Variants in EPB41L1 observed in about 807,000 individuals in gnomAD.
The protein encoded by EPB41L1 is erythrocyte membrane protein band 4.1 like 1, also known as band 4.1-like protein 1.
EPB41L1 carries 29 observed loss-of-function variants against 97.8 expected under a neutral mutation model. The observed-to-expected ratio is 0.30, with a 90% CI of 0.22 to 0.40. The LOEUF (loss-of-function observed/expected upper bound fraction) is 0.40, where lower values mean the gene tolerates loss of function less well. EPB41L1 is among the 10% of genes least tolerant of loss of function. The pLI is 1.00. For missense variants in EPB41L1, 812 were observed against 1,162.3 expected, an observed-to-expected ratio of 0.70 and a Z score of 4.38; for synonymous variants, 383 against 459.2, an observed-to-expected ratio of 0.83 and a Z score of 2.12.
chr20:36,135,083 A>T (rs2059368108), intron 2 of EPB41L1, among the ~76,000 whole-genome samples: 1 of 151,982 alleles, frequency 6.6e-6, no homozygotes, highest in Non-Finnish European at 1.5e-5. Flanking sequence ...GGATGGTCTC[A>T]AACTCCTGGC....
intron 2 of EPB41L1, among the ~76,000 whole-genome samples, chr20:36,119,383 G>A (rs569581735): frequency 2.6e-5 from 4 of 152,266 alleles, no homozygotes; most frequent in Non-Finnish European, 4.4e-5. Flanking sequence ...TGGGCAGATC[G>A]CTGGAGGTCA....
chr20:36,105,986 T>C (rs1265965482), intron 1 of EPB41L1, among the ~76,000 whole-genome samples: 1 of 152,108 alleles, frequency 6.6e-6, no homozygotes, highest in African/African-American at 2.4e-5. Context: ...TTCCCCTGCC[T>C]CCAGCTAAGG....
intron 1 of EPB41L1, among the ~76,000 whole-genome samples, chr20:36,104,890 G>A (rs972966767): frequency 1.3e-5 from 2 of 152,112 alleles, no homozygotes; most frequent in Admixed American, 6.6e-5. Context: ...CACTCTGGAT[G>A]GACCTAGGCC....
intron 21 of EPB41L1, 97 bp from the exon 22 acceptor site, chr20:36,229,235 T>A: frequency 9.6e-7 from 1 of 1,047,088 alleles, no homozygotes. Context: ...CCATGTATTT[T>A]AAAACAAGTG....
At chr20:36,170,575 G>A (rs1021257134) in intron 1 of EPB41L1, among the ~76,000 whole-genome samples, 1 of 152,184 alleles carries the variant, frequency 6.6e-6, no homozygotes, top group African/African-American at 2.4e-5. Context: ...GGTGGCTCCT[G>A]CCACGTCCTT....
Position 36,182,291 on chromosome 20 carries a change from C to T in EPB41L1, c.510C>T (p.Ala170=), listed in dbSNP as rs769713132. 1 of 1,614,076 alleles carries T rather than the reference C, an allele frequency of 6.2e-7. No homozygotes were observed. The highest frequency in any genetic ancestry group is 8.5e-7 in the Non-Finnish European group (1 of 1,179,964). Residue 170 remains alanine, a synonymous_variant, in exon 6 of 22, where the codon GCC becomes GCT. Coordinates refer to ENST00000338074, the MANE Select transcript of EPB41L1 (RefSeq NM_012156.2). ...TCTCAGGTAGCCCCTGGAATTTTGC[C>T]TTCACAGTCAAGTTCTACCCGCCTG... ...KQIRSSPWNF[A]FTVKFYPPDP... is the part of the protein sequence containing the mutation.
intron 2 of EPB41L1, chr20:36,122,710 C>T (rs2058794311): frequency 6.6e-6 from 1 of 152,324 alleles, no homozygotes; most frequent in South Asian, 2.1e-4. Context: ...AAGGCAGAAG[C>T]CACGCAGACT....
intron 2 of EPB41L1, 83 bp from the exon 3 acceptor site, chr20:36,175,468 T>C: frequency 6.5e-7 from 1 of 1,536,912 alleles, no homozygotes; most frequent in Non-Finnish European, 9.0e-7. Context: ...TGGCCCCAGA[T>C]GCCTCTATAT....
At chr20:36,124,702 T>G (rs2058892132) in intron 2 of EPB41L1, among the ~76,000 whole-genome samples, 1 of 152,244 alleles carries the variant, frequency 6.6e-6, no homozygotes, top group Non-Finnish European at 1.5e-5. Context: ...TCTTTTTCTT[T>G]TAATGTCATG....
Position 36,207,844 on chromosome 20 carries a change from C to G in EPB41L1, c.1669-1644C>G. The G allele has an allele frequency of 8.2e-7, 1 of 1,226,568 alleles. No homozygotes were observed. The allele number at this position is 1,226,568 out of a possible 1,614,324, so 76.0% of individuals were successfully genotyped here. On this transcript the variant is annotated intron_variant, in intron 14 of 21. Coordinates refer to ENST00000338074, the MANE Select transcript of EPB41L1 (RefSeq NM_012156.2). The surrounding 1 kb of genome is among the most constrained non-coding windows in gnomAD (Gnocchi z 4.9). The stretch of plus-strand genomic sequence containing the variant: ...CCCGCCCATGGGGGCTGGCCGCATG[C>G]TCTGTAGTTTTTAGAAGCATGTTTC...
At chr20:36,112,080 G>T (rs758233743) in intron 1 of EPB41L1, among the ~76,000 whole-genome samples, 2 of 151,986 alleles carry the variant, frequency 1.3e-5, no homozygotes, top group African/African-American at 2.4e-5. Context: ...TCATATCTCC[G>T]CTGGATAATC....
chr20:36,204,149 G>A (rs750808778), intron 14 of EPB41L1, among the ~76,000 whole-genome samples: 1 of 152,158 alleles, frequency 6.6e-6, no homozygotes, highest in Non-Finnish European at 1.5e-5. Context: ...ATGGCCTTGG[G>A]CAAGATGCTT....
Position 36,173,784 on chromosome 20 carries a change from A to G in EPB41L1, c.7A>G (p.Thr3Ala). Residue 3 changes from threonine to alanine, a missense_variant, in exon 2 of 22, where the codon ACA (threonine) becomes GCA (alanine). By Grantham distance (58) the Thr-to-Ala change is moderately conservative. This residue lies in a region of EPB41L1 where 84 missense variants were observed against 94.3 expected (regional missense o/e 0.89). Transcript: ENST00000338074. ...TGCAGGCGTGCTGGTCACCATGACA[A>G]CAGAGACAGGCCCCGACTCTGAGGT... The part of the protein sequence containing the change: MT[T>A]ETGPDSEVKK... The G allele has an allele frequency of 6.2e-7, 1 of 1,614,054 alleles. No homozygotes were observed. Among genetic ancestry groups the G allele is most frequent in the Non-Finnish European group, 8.5e-7 (1 of 1,179,980 alleles).
At chr20:36,222,207 T>C in intron 20 of EPB41L1, 71 bp from the exon 21 acceptor site, 1 of 1,367,034 alleles carries the variant, frequency 7.3e-7, no homozygotes, top group Non-Finnish European at 1.0e-6. Flanking sequence ...ACTAGAGGGC[T>C]TGCTGTTCTT....
intron 2 of EPB41L1, among the ~76,000 whole-genome samples, chr20:36,120,599 T>C (rs2058720924): frequency 6.6e-6 from 1 of 152,158 alleles, no homozygotes; most frequent in Admixed American, 6.6e-5. Context: ...AGATTCATAT[T>C]TTCTCTCTCA....
intron 1 of EPB41L1, among the ~76,000 whole-genome samples, chr20:36,096,029 G>GAA (rs59767618): frequency 1.5e-5 from 2 of 137,770 alleles, no homozygotes. Flanking sequence ...CCATCTCAGG[G>GAA]AAAAAAAAAA....
chr20:36,102,017 A>AAAAC (rs1555827206), intron 1 of EPB41L1, among the ~76,000 whole-genome samples: 4 of 148,822 alleles, frequency 2.7e-5, no homozygotes, highest in African/African-American at 2.5e-5. Context: ...AAAACAAAAC[A>AAAAC]AAACAAAACA....
chr20:36,188,209 A>C, intron 8 of EPB41L1, 138 bp from the exon 9 acceptor site: 1 of 1,132,146 alleles, frequency 8.8e-7, no homozygotes, highest in South Asian at 1.2e-5. Flanking sequence ...GGTCAGTGGG[A>C]CTCCAGCATG....
At chr20:36,193,183 G>A (rs925561860) in intron 11 of EPB41L1, among the ~76,000 whole-genome samples, 9 of 152,186 alleles carry the variant, frequency 5.9e-5, no homozygotes, top group African/African-American at 2.2e-4. Flanking sequence ...GCTCATCGGA[G>A]AGGAGCAGAA....
Sources: gnomAD v4.1 joint callset for allele counts (sites outside exome capture counted in the v4.1 genomes callset) on GRCh38, gnomAD v4.1.1 for gene constraint, gnomAD v4.1.1 regional missense constraint, Gnocchi (gnomAD v3.1) non-coding constraint, MANE v1.5 for transcripts, NCBI Gene and HGNC (gene_info 2026-07-23, HGNC 2026-07-21) for gene names.